Variants in LOC128462377 observed in about 807,000 individuals in gnomAD.
chr16:89,391,728 TAAG>T, the LOC128462377 span, among the ~76,000 whole-genome samples: 1 of 152,212 alleles, frequency 6.6e-6, no homozygotes, highest in African/African-American at 2.4e-5. Context: ...AGCACACTTG[TAAG>T]AAGTAAAGCA....
At chr16:89,393,071 C>A in the LOC128462377 span, among the ~76,000 whole-genome samples, 2 of 152,180 alleles carry the variant, frequency 1.3e-5, no homozygotes, top group Non-Finnish European at 2.9e-5. Flanking sequence ...CTCCGGCAAG[C>A]CCAGTCCCCA....
chr16:89,363,235 A>C, the LOC128462377 span, among the ~76,000 whole-genome samples: 1 of 152,188 alleles, frequency 6.6e-6, no homozygotes, highest in Admixed American at 6.5e-5. Context: ...TTTTCATTTA[A>C]AATTTTTTCC....
chr16:89,390,947 G>C, the LOC128462377 span, among the ~76,000 whole-genome samples: 1 of 152,188 alleles, frequency 6.6e-6, no homozygotes, highest in Admixed American at 6.5e-5. Flanking sequence ...TATTGCACCA[G>C]GCTGGGCGCC....
chr16:89,326,050 C>T, the LOC128462377 span, among the ~76,000 whole-genome samples: 3 of 152,212 alleles, frequency 2.0e-5, no homozygotes, highest in Admixed American at 1.3e-4. Flanking sequence ...TCTGTGAAGA[C>T]GAAGGGGAGG....
the LOC128462377 span, among the ~76,000 whole-genome samples, chr16:89,346,122 G>A: frequency 3.3e-5 from 5 of 151,638 alleles, no homozygotes; most frequent in Admixed American, 6.6e-5. Flanking sequence ...GGTGCCGGGC[G>A]CTTGTAATCC....
At chr16:89,355,342 G>A in the LOC128462377 span, among the ~76,000 whole-genome samples, 3 of 152,170 alleles carry the variant, frequency 2.0e-5, no homozygotes, top group East Asian at 1.9e-4. Context: ...AAAGAGGAAC[G>A]TGCAGGACTC....
At chr16:89,321,944 G>A in the LOC128462377 span, among the ~76,000 whole-genome samples, 1 of 152,156 alleles carries the variant, frequency 6.6e-6, no homozygotes, top group East Asian at 1.9e-4. Context: ...CTGCTGCTGC[G>A]CGAGGCTTAA....
chr16:89,339,087 G>C, the LOC128462377 span, among the ~76,000 whole-genome samples: 1 of 152,128 alleles, frequency 6.6e-6, no homozygotes, highest in African/African-American at 2.4e-5. Context: ...GGTAACCGCT[G>C]ATGGGTGAGC....
chr16:89,347,658 T>C, the LOC128462377 span, among the ~76,000 whole-genome samples: 1 of 151,760 alleles, frequency 6.6e-6, no homozygotes, highest in African/African-American at 2.4e-5. Context: ...AATGTGACTA[T>C]TTTACATTCT....
chr16:89,403,629 G>A, the LOC128462377 span: 1 of 152,198 alleles, frequency 6.6e-6, no homozygotes, highest in Non-Finnish European at 1.5e-5. Flanking sequence ...CCCGGGAAGG[G>A]ATTTCAAAAC....
At chr16:89,398,093 C>T in the LOC128462377 span, among the ~76,000 whole-genome samples, 1 of 151,432 alleles carries the variant, frequency 6.6e-6, no homozygotes, top group African/African-American at 2.5e-5. Context: ...TGAAGATTAC[C>T]TGTAACCTCA....
the LOC128462377 span, chr16:89,418,215 A>T: frequency 2.2e-6 from 1 of 448,054 alleles, no homozygotes; most frequent in South Asian, 1.6e-5. Context: ...CTCACGCATT[A>T]TTTTGATACT....
At chr16:89,346,527 C>T in the LOC128462377 span, among the ~76,000 whole-genome samples, 4 of 152,216 alleles carry the variant, frequency 2.6e-5, no homozygotes, top group African/African-American at 4.8e-5. Context: ...CTACACCACA[C>T]GCCTAAAAAC....
chr16:89,317,200 G>GGGGCCC, the LOC128462377 span: 1 of 764,382 alleles, frequency 1.3e-6, no homozygotes, highest in Non-Finnish European at 2.2e-6. Context: ...GATCAGGGCT[G>GGGGCCC]GGGCCCGGGC....
the LOC128462377 span, among the ~76,000 whole-genome samples, chr16:89,343,014 T>C: frequency 6.6e-6 from 1 of 152,174 alleles, no homozygotes; most frequent in Non-Finnish European, 1.5e-5. Flanking sequence ...TTTGCAAATA[T>C]AAGCGCTTTT....
At chr16:89,365,826 C>A in the LOC128462377 span, among the ~76,000 whole-genome samples, 16 of 152,206 alleles carry the variant, frequency 1.1e-4, no homozygotes, top group African/African-American at 3.9e-4. Context: ...AAGCCCAGTA[C>A]CCAACAGTTA....
the LOC128462377 span, among the ~76,000 whole-genome samples, chr16:89,384,403 T>C: frequency 6.6e-6 from 1 of 151,988 alleles, no homozygotes; most frequent in Non-Finnish European, 1.5e-5. Context: ...TAGTGGTGCA[T>C]GGCTGTAATC....
chr16:89,381,331 C>CAAAAAAAAAAAA, the LOC128462377 span, among the ~76,000 whole-genome samples: 1 of 76,354 alleles, frequency 1.3e-5, no homozygotes, highest in African/African-American at 5.7e-5. Context: ...GACTCTGCTG[C>CAAAAAAAAAAAA]AAAAAAAAAA....
At chr16:89,410,074 C>A in the LOC128462377 span, among the ~76,000 whole-genome samples, 1 of 152,148 alleles carries the variant, frequency 6.6e-6, no homozygotes, top group Admixed American at 6.5e-5. Context: ...CTCCTGACCT[C>A]GTGATCCGCC....
Sources: gnomAD v4.1 joint callset for allele counts (sites outside exome capture counted in the v4.1 genomes callset) on GRCh38, gnomAD v4.1.1 for gene constraint, MANE v1.5 for transcripts.